Variants in CDK19 observed in about 807,000 individuals in gnomAD.
CDK19 encodes cyclin-dependent kinase 19.
In CDK19, 20 loss-of-function variants were observed where a neutral mutation model predicts 68.3. That is an observed-to-expected ratio of 0.29 (90% CI 0.21 to 0.43). The LOEUF is 0.43. Ranked by LOEUF, CDK19 falls within the 20% of genes least tolerant of loss-of-function variation. The pLI is 1.00. For missense variants in CDK19, 339 were observed against 623.5 expected, an observed-to-expected ratio of 0.54 and a Z score of 4.86; for synonymous variants, 221 against 222.8, an observed-to-expected ratio of 0.99 and a Z score of 0.07.
chr6:110,623,335 G>A lies in CDK19; in HGVS notation c.888C>T (p.Tyr296=). Residue 296 remains tyrosine, a synonymous_variant, in exon 9 of 13, where the codon TAC becomes TAT. Transcript: ENST00000368911. ...CAGGCTTGACCTTGTGTTTCTCCAT[G>A]TACTTTATGAGGCTACTGTTGGCAT... ...TTYANSSLIK[Y]MEKHKVKPDS... The A allele has an allele frequency of 6.2e-7, 1 of 1,613,958 alleles. No homozygotes were observed. The highest frequency in any genetic ancestry group is 8.5e-7 in the Non-Finnish European group (1 of 1,179,886).
chr6:110,677,006 T>G (rs1420354286), intron 2 of CDK19, among the ~76,000 whole-genome samples: 5 of 152,248 alleles, frequency 3.3e-5, no homozygotes, highest in Non-Finnish European at 2.9e-5. Context: ...TTTCTATTTC[T>G]GTGTACCTCT....
chr6:110,673,579 C>T (rs1282249009), intron 2 of CDK19, among the ~76,000 whole-genome samples: 2 of 151,430 alleles, frequency 1.3e-5, no homozygotes, highest in Admixed American at 6.6e-5. Context: ...AGTCTCACTA[C>T]GTTGTCCAGG....
At chr6:110,792,380 T>C (rs865979051) in intron 1 of CDK19, among the ~76,000 whole-genome samples, 1 of 152,058 alleles carries the variant, frequency 6.6e-6, no homozygotes, top group Non-Finnish European at 1.5e-5. Flanking sequence ...CAATTTTTCT[T>C]TCCTAATATA....
At chr6:110,750,062 G>A (rs375890281) in intron 1 of CDK19, among the ~76,000 whole-genome samples, 1 of 145,728 alleles carries the variant, frequency 6.9e-6, no homozygotes, top group Non-Finnish European at 1.5e-5. Context: ...GAGCCACTGC[G>A]CCCAGCCAAA....
chr6:110,808,783 C>T (rs1398342319), intron 1 of CDK19, among the ~76,000 whole-genome samples: 1 of 152,138 alleles, frequency 6.6e-6, no homozygotes, highest in Non-Finnish European at 1.5e-5. Flanking sequence ...TTCTAAGCAT[C>T]TCTATAAAAT....
At chr6:110,650,387 T>C (rs1165071686) in intron 4 of CDK19, among the ~76,000 whole-genome samples, 1 of 152,180 alleles carries the variant, frequency 6.6e-6, no homozygotes, top group African/African-American at 2.4e-5. Context: ...TGCATGCTAC[T>C]GGTAATCTTC....
At chr6:110,726,764 C>T (rs1776343333) in intron 2 of CDK19, among the ~76,000 whole-genome samples, 1 of 152,076 alleles carries the variant, frequency 6.6e-6, no homozygotes, top group Non-Finnish European at 1.5e-5. Context: ...TACAAAGGTG[C>T]TGGAAAAAAG....
chr6:110,753,025 C>A (rs1026411514), intron 1 of CDK19, among the ~76,000 whole-genome samples: 1 of 151,266 alleles, frequency 6.6e-6, no homozygotes, highest in African/African-American at 2.4e-5. Context: ...GACCTCCGGG[C>A]TCAGATGATC....
rs191068631 is a variant in CDK19 at position 110,675,518 on chromosome 6, T to C, written c.205-4977A>G. Among the ~76,000 whole-genome samples, 397 of 149,452 alleles carry C rather than the reference T, an allele frequency of 2.7e-3. 9 individuals are homozygous for C. Among genetic ancestry groups the C allele is most frequent in the South Asian group, 0.021 (102 of 4,760 alleles). On this transcript the variant is annotated intron_variant, in intron 2 of 12. Coordinates refer to ENST00000368911, the MANE Select transcript of CDK19 (RefSeq NM_015076.5). The stretch of plus-strand genomic sequence containing the variant: ...GGCGCATGCCTGTAATCCCAGCTAC[T>C]CAGGAGGCTGAGGCAGGAGAATCAC...
intron 1 of CDK19, among the ~76,000 whole-genome samples, chr6:110,773,051 T>TAAA (rs202143768): frequency 2.3e-5 from 3 of 132,732 alleles, no homozygotes; most frequent in Admixed American, 7.6e-5. Context: ...CCCCGTCTCT[T>TAAA]AAAAAAAAAA....
In CDK19 at chr6:110,614,442, A is replaced by C; in HGVS notation, c.*93T>G. On this transcript the variant is annotated 3_prime_UTR_variant, in exon 13 of 13. Coordinates refer to ENST00000368911, the MANE Select transcript of CDK19 (RefSeq NM_015076.5). ...CCCATGTGTATGAGTTTTAAATGGC[A>C]TCATAGTTTGCATTTTTTTGGTTCT... 8.0e-7 allele frequency: 1 copy of C among 1,243,218 alleles called. No homozygotes were observed. Among genetic ancestry groups the C allele is most frequent in the Non-Finnish European group, 1.1e-6 (1 of 879,512 alleles). 77.0% of individuals were successfully genotyped at this position (1,243,218 alleles called of 1,614,324 possible).
At chr6:110,758,963 TA>T (rs71671379) in intron 1 of CDK19, among the ~76,000 whole-genome samples, 6,321 of 146,758 alleles carry the variant, frequency 0.043, 479 homozygotes, top group East Asian at 0.35. Context: ...AATAAATACT[TA>T]AAAAAAAAAA....
intron 1 of CDK19, among the ~76,000 whole-genome samples, chr6:110,754,199 AT>A (rs1024612533): frequency 9.3e-5 from 14 of 150,316 alleles, no homozygotes; most frequent in Non-Finnish European, 7.4e-5. Flanking sequence ...CCAGCTAATT[AT>A]TTATTTTTTA....
intron 2 of CDK19, among the ~76,000 whole-genome samples, chr6:110,711,083 T>C (rs1031486547): frequency 6.6e-6 from 1 of 152,058 alleles, no homozygotes; most frequent in Non-Finnish European, 1.5e-5. Flanking sequence ...AGTTATTTTA[T>C]GGAGAAAAAA....
At chr6:110,693,896 A>C (rs763989115) in intron 2 of CDK19, among the ~76,000 whole-genome samples, 6 of 152,172 alleles carry the variant, frequency 3.9e-5, no homozygotes, top group Non-Finnish European at 7.3e-5. Flanking sequence ...CCATAAATGA[A>C]GGGGAGATAA....
chr6:110,639,103 T>C (rs1388394356), intron 4 of CDK19, among the ~76,000 whole-genome samples: 1 of 152,210 alleles, frequency 6.6e-6, no homozygotes. Context: ...GAATGGAATA[T>C]TCCTTCCTAA....
At chr6:110,807,851 A>G (rs1416787471) in intron 1 of CDK19, among the ~76,000 whole-genome samples, 1 of 150,756 alleles carries the variant, frequency 6.6e-6, no homozygotes, top group Non-Finnish European at 1.5e-5. Flanking sequence ...TCTGCTGCCC[A>G]TGCTGAAGTG....
rs980853034 is a variant in CDK19 at position 110,667,520 on chromosome 6, G to A, written c.370C>T (p.Pro124Ser). ...AGTAAGGATTTAACCATAGATCTTG[G>A]CAACTGCATGGGCTTTTTATTTGCT... ...SKANKKPMQL[P>S]RSMVKSLLYQ... The change falls in exon 4 of 13, where the codon CCA becomes TCA. Residue 124 changes from proline (P) to serine (S), a missense_variant. This residue lies in a region of CDK19 where 120 missense variants were observed against 224.0 expected (regional missense o/e 0.54). Transcript: ENST00000368911. 2 of 1,591,444 alleles carry A rather than the reference G, an allele frequency of 1.3e-6. No homozygotes were observed. The highest frequency in any genetic ancestry group is 8.6e-7 in the Non-Finnish European group (1 of 1,164,816).
intron 4 of CDK19, among the ~76,000 whole-genome samples, chr6:110,658,579 A>C (rs912300282): frequency 6.6e-6 from 1 of 152,224 alleles, no homozygotes; most frequent in Non-Finnish European, 1.5e-5. Flanking sequence ...TGAAAAGTAC[A>C]TTTGAAGCAG....
Sources: gnomAD v4.1 joint callset for allele counts (sites outside exome capture counted in the v4.1 genomes callset) on GRCh38, gnomAD v4.1.1 for gene constraint, gnomAD v4.1.1 regional missense constraint, MANE v1.5 for transcripts, NCBI Gene and HGNC (gene_info 2026-07-23, HGNC 2026-07-21) for gene names.